SLC13A1: variants seen among roughly 807,000 people sequenced by gnomAD.
SLC13A1 encodes Na(+)/sulfate cotransporter.
In SLC13A1, 65 loss-of-function variants were observed where a neutral mutation model predicts 70.0. The observed-to-expected ratio is 0.93, with a 90% CI of 0.76 to 1.14. The LOEUF (loss-of-function observed/expected upper bound fraction) is 1.14, where lower values mean the gene tolerates loss of function less well. Ranked by LOEUF, SLC13A1 falls within the 50% of genes most tolerant of loss-of-function variation. SLC13A1 has a pLI of 0.00. For missense variants in SLC13A1, 726 were observed against 717.8 expected (o/e 1.01, Z -0.13); for synonymous variants, 275 against 250.5 (o/e 1.10, Z -0.92).
At chr7:123,142,626 C>T (rs560274797) in intron 7 of SLC13A1, among the ~76,000 whole-genome samples, 1 of 94,358 alleles carries the variant, frequency 1.1e-5, no homozygotes, top group East Asian at 3.5e-4. Context: ...GTCTTGCTTT[C>T]AGGGGCAAGA....
chr7:123,169,333 A>C lies in SLC13A1; in HGVS notation c.368T>G (p.Leu123Arg), dbSNP rs1407857294. 6.2e-7 allele frequency: 1 copy of C among 1,611,348 alleles called. No homozygotes were observed. Among genetic ancestry groups the C allele is most frequent in the African/African-American group, 1.3e-5 (1 of 74,900 alleles). ...VMMVGVNPAW[L>R]TLGFMSSTAF... ...AGTGCTGCTCATGAACCCCAGCGTC[A>C]GCCTGAAACCAGAGAGCCATTATTG... is the stretch of plus-strand genomic sequence containing the variant. The change falls in exon 4 of 15, where the codon CTG becomes CGG. Residue 123 changes from leucine to arginine, a missense_variant and splice_region_variant. By Grantham distance (102) the Leu-to-Arg change is moderately radical. Coordinates refer to ENST00000194130, the MANE Select transcript of SLC13A1 (RefSeq NM_022444.4).
intron 1 of SLC13A1, among the ~76,000 whole-genome samples, chr7:123,192,812 A>G (rs916585588): frequency 6.6e-6 from 1 of 152,196 alleles, no homozygotes; most frequent in African/African-American, 2.4e-5. Flanking sequence ...TATTAATTGC[A>G]AAGTTTAAAG....
intron 7 of SLC13A1, among the ~76,000 whole-genome samples, chr7:123,137,848 A>G (rs1015577426): frequency 1.7e-4 from 26 of 152,148 alleles, no homozygotes; most frequent in Non-Finnish European, 1.5e-5. Flanking sequence ...CAGGCATTCA[A>G]TGTGTAATAA....
Position 123,162,460 on chromosome 7 carries a change from C to T in SLC13A1, c.660+5914G>A, listed in dbSNP as rs187399102. On this transcript the variant is annotated intron_variant, in intron 6 of 14. Transcript: ENST00000194130. ...TCTCCCTCTCTCTCCTTGCTTACCT[C>T]GTCTATAAACATTCTCTATAAACCA... 3.6e-3 allele frequency among the ~76,000 whole-genome samples: 555 copies of T among 152,100 alleles called. 1 individual carries two copies. The highest frequency in any genetic ancestry group is 5.0e-3 in the Non-Finnish European group (343 of 67,982).
rs558304741 is a variant in SLC13A1 at position 123,151,366 on chromosome 7, A to ATGTGTGTG, written c.661-4064_661-4057dup. On this transcript the variant is annotated intron_variant, in intron 6 of 14. Coordinates refer to ENST00000194130, the MANE Select transcript of SLC13A1 (RefSeq NM_022444.4). ...AAACTATATATATATATTTGAATATATGTGTGTGTGTGTGTGTGTGTATAT... is the reference window on the plus strand; with the variant it reads ...AAACTATATATATATATTTGAATATATGTGTGTGTGTGTGTGTGTGTGTGTGTGTATAT... Among the ~76,000 whole-genome samples the ATGTGTGTG allele has an allele frequency of 1.9e-3, 279 of 145,638 alleles. 1 individual carries two copies. In the East Asian group the frequency reaches 0.036, roughly 19 times the overall value.
chr7:123,126,279 A>G (rs1793557018), intron 10 of SLC13A1, among the ~76,000 whole-genome samples: 1 of 152,206 alleles, frequency 6.6e-6, no homozygotes, highest in Non-Finnish European at 1.5e-5. Context: ...TCAATCAAGA[A>G]TATTAATTGT....
chr7:123,169,348 A>C lies in SLC13A1; in HGVS notation c.366-13T>G. ...CCCCAGCGTCAGCCTGAAACCAGAG[A>C]GCCATTATTGTGGAGCTGTGCTCTT... is the stretch of plus-strand genomic sequence containing the variant. On this transcript the variant is annotated splice_polypyrimidine_tract_variant and intron_variant, in intron 3 of 14. Coordinates refer to ENST00000194130, the MANE Select transcript of SLC13A1 (RefSeq NM_022444.4). The C allele has an allele frequency of 1.2e-6, 2 of 1,609,396 alleles. No homozygotes were observed. The highest frequency in any genetic ancestry group is 1.7e-6 in the Non-Finnish European group (2 of 1,179,492).
chr7:123,139,604 G>A (rs1461494941), intron 7 of SLC13A1, among the ~76,000 whole-genome samples: 1 of 151,588 alleles, frequency 6.6e-6, no homozygotes, highest in Non-Finnish European at 1.5e-5. Context: ...ATGTTTTATA[G>A]TTTATATTAC....
rs556937384 is a variant in SLC13A1 at position 123,115,322 on chromosome 7, A to G, written c.*196T>C. 53 of 438,848 alleles carry G rather than the reference A, an allele frequency of 1.2e-4. No homozygotes were observed. The highest frequency in any genetic ancestry group is 1.9e-4 in the Non-Finnish European group (47 of 249,110). The allele number at this position is 438,848 out of a possible 1,614,324, so 27.2% of individuals were successfully genotyped here. A position where few individuals can be genotyped will look rare whatever the true frequency, so the allele number is the denominator to read the frequency against. On this transcript the variant is annotated 3_prime_UTR_variant, in exon 15 of 15. Coordinates refer to ENST00000194130, the MANE Select transcript of SLC13A1 (RefSeq NM_022444.4). ...TGGGCTTCTTGATGAAGGCACATAG[A>G]TGCTCTTTAGTTGCACTGCAATAAC...
At chr7:123,187,624 C>A (rs1795850030) in intron 1 of SLC13A1, among the ~76,000 whole-genome samples, 1 of 152,152 alleles carries the variant, frequency 6.6e-6, no homozygotes, top group African/African-American at 2.4e-5. Flanking sequence ...TACATGCAGA[C>A]ATTAATACAT....
intron 2 of SLC13A1, among the ~76,000 whole-genome samples, chr7:123,178,033 C>CTCTCTCTCTCTCTCTCTATATATATATA (rs761704605): frequency 2.0e-5 from 3 of 149,950 alleles, no homozygotes; most frequent in African/African-American, 7.4e-5. Flanking sequence ...CTCTCTCTCT[C>CTCTCTCTCTCTCTCTCTATATATATATA]TATATATATA....
chr7:123,134,322 G>T, intron 8 of SLC13A1, 88 bp downstream of exon 8: 1 of 1,248,726 alleles, frequency 8.0e-7, no homozygotes, highest in Non-Finnish European at 1.1e-6. Context: ...AGCCTGCATG[G>T]CATAGGGGAA....
intron 1 of SLC13A1, among the ~76,000 whole-genome samples, chr7:123,183,295 T>C (rs1442859064): frequency 3.9e-5 from 6 of 152,186 alleles, no homozygotes; most frequent in African/African-American, 1.2e-4. Context: ...GCAGATTTAA[T>C]GTTAAAAAAT....
intron 6 of SLC13A1, among the ~76,000 whole-genome samples, chr7:123,155,948 C>T (rs140244775): frequency 0.012 from 1,843 of 152,124 alleles, 35 homozygotes; most frequent in African/African-American, 0.042. Context: ...CTCCTTATCC[C>T]GTTTTACCTT....
chr7:123,156,762 C>A (rs1794729798), intron 6 of SLC13A1, among the ~76,000 whole-genome samples: 1 of 152,038 alleles, frequency 6.6e-6, no homozygotes, highest in African/African-American at 2.4e-5. Context: ...TTCTCCATGC[C>A]TTCTCTTTGG....
chr7:123,194,875 C>T (rs550185076), intron 1 of SLC13A1, among the ~76,000 whole-genome samples: 2 of 152,134 alleles, frequency 1.3e-5, no homozygotes, highest in South Asian at 4.1e-4. Context: ...GGACTGCATG[C>T]GGTTAGGGGA....
intron 6 of SLC13A1, among the ~76,000 whole-genome samples, chr7:123,159,059 G>A (rs1285977741): frequency 6.6e-6 from 1 of 151,930 alleles, no homozygotes; most frequent in African/African-American, 2.4e-5. Flanking sequence ...ATACAATTAT[G>A]TAATTTATGG....
chr7:123,160,935 T>C (rs1245293842), intron 6 of SLC13A1, among the ~76,000 whole-genome samples: 1 of 151,932 alleles, frequency 6.6e-6, no homozygotes, highest in Non-Finnish European at 1.5e-5. Context: ...CCTTAAATCC[T>C]TACTTTGGAA....
intron 7 of SLC13A1, among the ~76,000 whole-genome samples, chr7:123,136,369 TAA>T (rs2116350890): frequency 6.6e-6 from 1 of 152,306 alleles, no homozygotes; most frequent in East Asian, 1.9e-4. Flanking sequence ...TATGCCTCTA[TAA>T]TCATAACCTT....
Sources: gnomAD v4.1 joint callset for allele counts (sites outside exome capture counted in the v4.1 genomes callset) on GRCh38, gnomAD v4.1.1 for gene constraint, MANE v1.5 for transcripts, NCBI Gene and HGNC (gene_info 2026-07-23, HGNC 2026-07-21) for gene names.